STK3: variants seen among roughly 807,000 people sequenced by gnomAD.
STK3 encodes the protein serine/threonine-protein kinase 3.
STK3 carries 41 observed loss-of-function variants against 58.0 expected under a neutral mutation model. The ratio of observed to expected loss-of-function variants is 0.71; its 90% confidence interval spans 0.55 to 0.92. The LOEUF is 0.92. Ranked by LOEUF, STK3 falls within the 40% of genes least tolerant of loss-of-function variation. The probability of loss-of-function intolerance (pLI) is 0.00; values close to 1 mark genes in which losing one functional copy is unlikely to be tolerated. For missense variants in STK3, 479 were observed against 602.7 expected (o/e 0.79, Z 2.15); for synonymous variants, 170 against 191.0 (o/e 0.89, Z 0.91).
rs1368200795 is a variant in STK3, at chr8:98,552,329, G to A, written c.949-4168C>T. Among the ~76,000 whole-genome samples the A allele has an allele frequency of 4.6e-5, 7 of 152,112 alleles. No homozygotes were observed. In the South Asian group the frequency reaches 1.5e-3, roughly 32 times the overall value. On this transcript the variant is annotated intron_variant, in intron 8 of 10. Transcript: ENST00000419617. Reference sequence around the variant, plus strand: ...AAGACAAATGACATGTTACTCTCCTGCTAAGAACTCTGCATTTGGCCTCCT... The same window carrying A: ...AAGACAAATGACATGTTACTCTCCTACTAAGAACTCTGCATTTGGCCTCCT...
chr8:98,400,790 T>G (rs1283559573), downstream of STK3, among the ~76,000 whole-genome samples: 1 of 152,090 alleles, frequency 6.6e-6, no homozygotes, highest in African/African-American at 2.4e-5. Context: ...AAAAAAATAG[T>G]TTTGTTGTTT....
At chr8:98,610,797 G>A (rs898902226) in intron 6 of STK3, among the ~76,000 whole-genome samples, 5 of 152,116 alleles carry the variant, frequency 3.3e-5, no homozygotes, top group African/African-American at 1.2e-4. Context: ...CCAGTTACCG[G>A]GCCTAGTGCC....
At chr8:98,852,851 A>C (rs1330480159) in intron 3 of STK3, among the ~76,000 whole-genome samples, 1 of 152,208 alleles carries the variant, frequency 6.6e-6, no homozygotes, top group Non-Finnish European at 1.5e-5. Flanking sequence ...TTTTTTCCAG[A>C]TACACATCAT....
At chr8:98,388,686 C>T (rs1665564258), upstream of STK3, among the ~76,000 whole-genome samples, 1 of 152,172 alleles carries the variant, frequency 6.6e-6, no homozygotes, top group African/African-American at 2.4e-5. Context: ...TTAAAAGCAA[C>T]TTGGAGGACT....
At chr8:98,612,330 G>A (rs1027597456) in intron 6 of STK3, among the ~76,000 whole-genome samples, 1 of 150,474 alleles carries the variant, frequency 6.6e-6, no homozygotes, top group African/African-American at 2.4e-5. Context: ...GCCGAGTGGG[G>A]AGGACTGCTT....
At chr8:98,822,725 A>G (rs1453178535) in intron 1 of STK3, among the ~76,000 whole-genome samples, 1 of 152,204 alleles carries the variant, frequency 6.6e-6, no homozygotes, top group Non-Finnish European at 1.5e-5. Flanking sequence ...CACAGCCTAT[A>G]ACATAAATAA....
At chr8:98,605,045 T>A (rs1816670215) in intron 6 of STK3, among the ~76,000 whole-genome samples, 1 of 152,202 alleles carries the variant, frequency 6.6e-6, no homozygotes, top group South Asian at 2.1e-4. Context: ...CGAGACCTCA[T>A]CAGCATGGAT....
intron 1 of STK3, among the ~76,000 whole-genome samples, chr8:98,909,646 A>C (rs895451298): frequency 3.9e-5 from 6 of 152,268 alleles, no homozygotes; most frequent in Non-Finnish European, 5.9e-5. Context: ...ACTTGGCATG[A>C]TATGTTCAAG....
At chr8:98,600,663 G>A (rs1367161923) in intron 6 of STK3, among the ~76,000 whole-genome samples, 3 of 152,060 alleles carry the variant, frequency 2.0e-5, no homozygotes, top group Non-Finnish European at 4.4e-5. Context: ...CTAGAAAAAA[G>A]TGGAAAAGTA....
chr8:98,535,888 T>C (rs567990088), intron 9 of STK3, among the ~76,000 whole-genome samples: 4 of 152,252 alleles, frequency 2.6e-5, no homozygotes, highest in Non-Finnish European at 4.4e-5. Context: ...AGGCATTTCC[T>C]TTAGAAATGA....
At chr8:98,679,350 C>A (rs1220866103) in intron 6 of STK3, among the ~76,000 whole-genome samples, 1 of 152,196 alleles carries the variant, frequency 6.6e-6, no homozygotes, top group Admixed American at 6.5e-5. Context: ...AGATATTCTA[C>A]ATCCAGATAC....
chr8:98,556,718 T>C (rs1163185336), intron 8 of STK3, among the ~76,000 whole-genome samples: 1 of 151,996 alleles, frequency 6.6e-6, no homozygotes, highest in Non-Finnish European at 1.5e-5. Flanking sequence ...AGGGAAAGAC[T>C]GGAGAAAGAC....
At chr8:98,853,804 G>A (rs959884430) in intron 3 of STK3, among the ~76,000 whole-genome samples, 2 of 152,218 alleles carry the variant, frequency 1.3e-5, no homozygotes, top group Non-Finnish European at 2.9e-5. Context: ...CTATATGTCA[G>A]AAAGATGAAT....
At chr8:98,727,896 T>C (rs1220052797) in intron 4 of STK3, among the ~76,000 whole-genome samples, 2 of 152,186 alleles carry the variant, frequency 1.3e-5, no homozygotes, top group South Asian at 2.1e-4. Context: ...ACTCACACAA[T>C]AGTTACCAAA....
At chr8:98,900,380 C>T (rs1185454807) in intron 1 of STK3, among the ~76,000 whole-genome samples, 1 of 152,136 alleles carries the variant, frequency 6.6e-6, no homozygotes. Flanking sequence ...CATGCCCAGC[C>T]TTCAGTCTGC....
At chr8:98,415,271 T>C (rs1818101910) in intron 3 of STK3, among the ~76,000 whole-genome samples, 1 of 152,236 alleles carries the variant, frequency 6.6e-6, no homozygotes, top group Admixed American at 6.5e-5. Flanking sequence ...GAATTTCTGT[T>C]CTTTATAAAT....
chr8:98,502,888 G>C (rs760169581), intron 10 of STK3, among the ~76,000 whole-genome samples: 6 of 152,148 alleles, frequency 3.9e-5, no homozygotes, highest in Non-Finnish European at 7.4e-5. Flanking sequence ...TCTCTGCCAG[G>C]CTTTGGTATC....
intron 2 of STK3, among the ~76,000 whole-genome samples, chr8:98,773,783 A>T (rs576559402): frequency 1.1e-3 from 165 of 151,234 alleles, no homozygotes; most frequent in African/African-American, 3.0e-3. Flanking sequence ...TTTATTTTTT[A>T]TTTATTTATT....
intron 1 of STK3, among the ~76,000 whole-genome samples, chr8:98,900,882 G>A (rs556263376): frequency 2.0e-5 from 3 of 151,470 alleles, no homozygotes; most frequent in South Asian, 2.1e-4. Flanking sequence ...AGCTAGTCTC[G>A]AACTCCTGGC....
Sources: gnomAD v4.1 joint callset for allele counts (sites outside exome capture counted in the v4.1 genomes callset) on GRCh38, gnomAD v4.1.1 for gene constraint, MANE v1.5 for transcripts, NCBI Gene and HGNC (gene_info 2026-07-23, HGNC 2026-07-21) for gene names.